LRP2: variants seen among roughly 807,000 people sequenced by gnomAD.
LRP2 encodes the protein low-density lipoprotein receptor-related protein 2.
Under a neutral mutation model 531.0 loss-of-function variants are expected in LRP2, and 172 were observed. The observed-to-expected ratio is 0.32, with a 90% CI of 0.29 to 0.37. LRP2 has a LOEUF of 0.37. Ranked by LOEUF, LRP2 falls within the 10% of genes least tolerant of loss-of-function variation. The pLI, the probability that LRP2 is intolerant of heterozygous loss-of-function variation, is 1.00. For missense variants in LRP2, 5,167 were observed against 5,868.3 expected (o/e 0.88, Z 3.90); for synonymous variants, 1,992 against 2,027.6 (o/e 0.98, Z 0.47).
chr2:169,203,028 A>G, intron 42 of LRP2, 69 bp from the exon 43 acceptor site: 1 of 1,283,808 alleles, frequency 7.8e-7, no homozygotes, highest in Non-Finnish European at 1.1e-6. Context: ...CCCCTCCACA[A>G]TAGCACTTGC....
chr2:169,142,743 C>T lies in LRP2; in HGVS notation c.13039G>A (p.Gly4347Arg), dbSNP rs766918525. ...TGGGGACAGGCACAGCTGTATCCTC[C>T]AGGTCTCAGAAGGCAGAGGTGGCTG... Reference protein sequence around the residue: ...ICSHLCLLRPGGYSCACPQGS... With the variant: ...ICSHLCLLRPRGYSCACPQGS... The change falls in exon 71 of 79, where the codon GGA becomes AGA. Residue 4347 changes from glycine to arginine, a missense_variant. Gly to Arg is a moderately radical substitution (Grantham distance 125). This residue lies in a region of LRP2 where 4 missense variants were observed against 21.2 expected (regional missense o/e 0.19). Coordinates refer to ENST00000649046, the MANE Select transcript of LRP2 (RefSeq NM_004525.3). 6.2e-7 allele frequency: 1 copy of T among 1,614,098 alleles called. No homozygotes were observed.
At chr2:169,290,806 CTT>C (rs1559059674) in intron 8 of LRP2, 37 bp downstream of exon 8, 7 of 1,606,368 alleles carry the variant, frequency 4.4e-6, no homozygotes, top group Non-Finnish European at 5.1e-6. Flanking sequence ...ACAGAAATAT[CTT>C]TATCTGAAAG....
intron 1 of LRP2, among the ~76,000 whole-genome samples, chr2:169,357,128 T>C (rs1356620808): frequency 6.6e-6 from 1 of 152,066 alleles, no homozygotes; most frequent in Non-Finnish European, 1.5e-5. Context: ...AAAGGTTCCA[T>C]CAAGCTTATT....
At position 169,168,617 on chromosome 2, in the gene LRP2, C is replaced by T; in HGVS notation, c.11557G>A (p.Val3853Ile). Reference protein sequence around the residue: ...QATMFECKNHVCIPPYWKCDG... With the variant: ...QATMFECKNHICIPPYWKCDG... The stretch of plus-strand genomic sequence containing the variant: ...CATTTCCAATATGGCGGGATACAAA[C>T]ATGGTTTTTGCATTCGAACATAGTA... Residue 3853 changes from valine to isoleucine, a missense_variant, in exon 61 of 79, where the codon GTT (valine) becomes ATT (isoleucine). This residue lies in a region of LRP2 where 564 missense variants were observed against 747.7 expected (regional missense o/e 0.75). Transcript: ENST00000649046. The T allele has an allele frequency of 6.2e-7, 1 of 1,613,822 alleles. No individual in the cohort carries two copies. Among genetic ancestry groups the T allele is most frequent in the African/African-American group, 1.3e-5 (1 of 75,036 alleles).
intron 29 of LRP2, 128 bp downstream of exon 29, chr2:169,235,712 G>A (rs567524110): frequency 4.1e-6 from 3 of 735,616 alleles, no homozygotes; most frequent in South Asian, 3.0e-5. Context: ...ACTGTTGCTG[G>A]TATTTCCTGG....
At chr2:169,315,959 C>CAAAAAAAAAAA (rs536458606) in intron 3 of LRP2, among the ~76,000 whole-genome samples, 2 of 73,742 alleles carry the variant, frequency 2.7e-5, no homozygotes, top group Non-Finnish European at 5.2e-5. Flanking sequence ...CCCATCTCTA[C>CAAAAAAAAAAA]AAAAAAAAAA....
chr2:169,142,172 C>T (rs1685745973), intron 71 of LRP2, among the ~76,000 whole-genome samples: 1 of 152,104 alleles, frequency 6.6e-6, no homozygotes, highest in Non-Finnish European at 1.5e-5. Flanking sequence ...AAAGTCTTGC[C>T]AAGAATAGAT....
At chr2:169,240,615 C>T in intron 25 of LRP2, 1 of 411,170 alleles carries the variant, frequency 2.4e-6, no homozygotes, top group Non-Finnish European at 4.4e-6. Flanking sequence ...ACACAAATCC[C>T]TGGACTTCAT....
chr2:169,357,777 T>C (rs964933871), intron 1 of LRP2, among the ~76,000 whole-genome samples: 1 of 152,182 alleles, frequency 6.6e-6, no homozygotes, highest in Non-Finnish European at 1.5e-5. Context: ...TAATTTAAAA[T>C]TTTAATTTAA....
At chr2:169,329,752 T>A (rs1196035894) in intron 1 of LRP2, among the ~76,000 whole-genome samples, 1 of 152,134 alleles carries the variant, frequency 6.6e-6, no homozygotes, top group Non-Finnish European at 1.5e-5. Context: ...TTGCAGCCCC[T>A]CCAGCTGCCC....
At chr2:169,237,054 C>T (rs1333109537) in intron 28 of LRP2, 49 bp downstream of exon 28, 2 of 1,484,246 alleles carry the variant, frequency 1.3e-6, no homozygotes, top group Non-Finnish European at 9.4e-7. Flanking sequence ...GTTGTTTTTC[C>T]CTCATCATAA....
chr2:169,261,582 T>G (rs1372845806), intron 16 of LRP2, among the ~76,000 whole-genome samples: 5 of 150,538 alleles, frequency 3.3e-5, no homozygotes, highest in East Asian at 3.9e-4. Flanking sequence ...GTTTAACCAC[T>G]GACTATGAGG....
chr2:169,243,007 G>A lies in LRP2; in HGVS notation c.3616C>T (p.Arg1206Cys). The change falls in exon 24 of 79, where the codon CGT (arginine) becomes TGT (cysteine). Residue 1206 changes from arginine to cysteine, a missense_variant. Coordinates refer to ENST00000649046, the MANE Select transcript of LRP2 (RefSeq NM_004525.3). ...CTGCAATCAAAAACACCATCACAACGATTTGTGACGCCAATACATTTATCC... is the reference window on the plus strand; with the variant it reads ...CTGCAATCAAAAACACCATCACAACAATTTGTGACGCCAATACATTTATCC... The part of the protein sequence containing the change: ...SGDKCIGVTN[R>C]CDGVFDCSDN... The A allele has an allele frequency of 1.2e-6, 2 of 1,614,092 alleles. No homozygotes were observed. Among genetic ancestry groups the A allele is most frequent in the East Asian group, 2.2e-5 (1 of 44,876 alleles).
intron 9 of LRP2, among the ~76,000 whole-genome samples, chr2:169,284,334 G>A (rs1300764732): frequency 2.0e-4 from 25 of 122,790 alleles, no homozygotes; most frequent in African/African-American, 6.9e-4. Flanking sequence ...GCACAGTCTC[G>A]GCTCACTGCA....
chr2:169,262,982 A>AC (rs1340026479), intron 16 of LRP2, among the ~76,000 whole-genome samples: 8 of 152,008 alleles, frequency 5.3e-5, no homozygotes, highest in Admixed American at 6.6e-5. Flanking sequence ...CCTGAGAAAA[A>AC]AAGCAATGGG....
chr2:169,158,059 T>TACACACACACACAC (rs765403252), intron 63 of LRP2, among the ~76,000 whole-genome samples: 26 of 82,542 alleles, frequency 3.1e-4, no homozygotes, highest in African/African-American at 1.2e-3. Context: ...CAATTGATTA[T>TACACACACACACAC]ATACACACAC....
At chr2:169,200,124 G>A (rs1459472946) in intron 44 of LRP2, among the ~76,000 whole-genome samples, 4 of 152,120 alleles carry the variant, frequency 2.6e-5, no homozygotes, top group East Asian at 1.9e-4. Flanking sequence ...GGTGGCGGGT[G>A]CCTGTAGTCC....
At position 169,362,254 on chromosome 2, in the gene LRP2, C is replaced by T. The variant is rs1316091863; in HGVS notation, c.79+67G>A. On this transcript the variant is annotated intron_variant, in intron 1 of 78. Transcript: ENST00000649046. ...CCGGACGCTCTCCCCTCCGGCCTCCCGCGGACCCGACCCTGCCACAGCCGG... is the reference window on the plus strand; with the variant it reads ...CCGGACGCTCTCCCCTCCGGCCTCCTGCGGACCCGACCCTGCCACAGCCGG... 16 of 1,411,976 alleles carry T rather than the reference C, an allele frequency of 1.1e-5. No individual in the cohort carries two copies. The Middle Eastern group carries it at 7.1e-4, about 63-fold the overall frequency. 87.5% of individuals were successfully genotyped at this position (1,411,976 alleles called of 1,614,324 possible).
chr2:169,161,062 T>C (rs781676867), intron 63 of LRP2, among the ~76,000 whole-genome samples: 1 of 152,224 alleles, frequency 6.6e-6, no homozygotes, highest in Non-Finnish European at 1.5e-5. Context: ...TCCTAGAGTT[T>C]GGAGAAGGGC....
Sources: gnomAD v4.1 joint callset for allele counts (sites outside exome capture counted in the v4.1 genomes callset) on GRCh38, gnomAD v4.1.1 for gene constraint, gnomAD v4.1.1 regional missense constraint, MANE v1.5 for transcripts, NCBI Gene and HGNC (gene_info 2026-07-23, HGNC 2026-07-21) for gene names.